The following SOX5 variants were observed in gnomAD, a reference collection of about 807,000 sequenced individuals.
SOX5 encodes SRY-box transcription factor 5.
SOX5 carries 9 observed loss-of-function variants against 92.0 expected under a neutral mutation model. That is an observed-to-expected ratio of 0.10 (90% CI 0.06 to 0.17). SOX5 has a LOEUF of 0.17. Among genes scored for constraint, SOX5 ranks in the 10% least tolerant of loss-of-function variants. The pLI is 1.00. For missense variants in SOX5, 642 were observed against 944.5 expected (o/e 0.68, Z 4.20); for synonymous variants, 344 against 336.3 (o/e 1.02, Z -0.25).
intron 1 of SOX5, among the ~76,000 whole-genome samples, chr12:24,471,754 C>T (rs1944846151): frequency 6.6e-6 from 1 of 151,860 alleles, no homozygotes; most frequent in Admixed American, 6.6e-5. Context: ...CATAAATGAA[C>T]CAATTAAATG....
intron 11 of SOX5, among the ~76,000 whole-genome samples, chr12:23,557,177 T>TAGGG (rs1945326675): frequency 6.6e-6 from 1 of 152,198 alleles, no homozygotes. Flanking sequence ...AACCTTTACT[T>TAGGG]ACAATCAGCC....
At position 23,665,469 on chromosome 12, in the gene SOX5, T is replaced by C. The variant is rs372530037; in HGVS notation, c.906A>G (p.Pro302=). 31 of 1,613,474 alleles carry C rather than the reference T, an allele frequency of 1.9e-5. No individual in the cohort carries two copies. In the African/African-American group the frequency reaches 3.9e-4, roughly 20 times the overall value. ...AAAQQGFLLP[P]GFSYKAGCSD... is the part of the protein sequence containing the mutation. ...TACATCCAGCCTTATAGCTGAAGCC[T>C]GGAGGGAGGAGGAATCCTTGCTGGG... Residue 302 remains proline, a synonymous_variant, in exon 7 of 15, where the codon CCA becomes CCG. Coordinates refer to ENST00000451604, the MANE Select transcript of SOX5 (RefSeq NM_006940.6).
intron 2 of SOX5, among the ~76,000 whole-genome samples, chr12:24,326,785 CACACAT>C (rs1950741348): frequency 7.9e-6 from 1 of 126,944 alleles, no homozygotes. Flanking sequence ...CATTCATACA[CACACAT>C]ACACACACAC....
chr12:23,674,429 C>T lies in SOX5; in HGVS notation c.811-8865G>A, dbSNP rs2085326739. ...CTCGGCTCTCTGCAACCTCCGCCTCCCGGGTTCAAGCAATTCTCCTTCCTC... is the reference window on the plus strand; with the variant it reads ...CTCGGCTCTCTGCAACCTCCGCCTCTCGGGTTCAAGCAATTCTCCTTCCTC... On this transcript the variant is annotated intron_variant, in intron 6 of 14. Transcript: ENST00000451604. Among the ~76,000 whole-genome samples, 4 of 146,218 alleles carry T rather than the reference C, an allele frequency of 2.7e-5. No homozygotes were observed. The South Asian group carries it at 8.9e-4, about 32-fold the overall frequency.
chr12:24,411,126 A>G (rs895871164), intron 1 of SOX5, among the ~76,000 whole-genome samples: 2 of 152,140 alleles, frequency 1.3e-5, no homozygotes, highest in Admixed American at 6.6e-5. Flanking sequence ...ATATACAAAT[A>G]TAACTGACTT....
At chr12:23,542,492 A>G (rs866273020) in intron 13 of SOX5, among the ~76,000 whole-genome samples, 3 of 152,124 alleles carry the variant, frequency 2.0e-5, no homozygotes, top group Non-Finnish European at 4.4e-5. Context: ...AGGTATCTTT[A>G]TAATCAGCAC....
intron 4 of SOX5, among the ~76,000 whole-genome samples, chr12:24,055,050 AT>A (rs1332935893): frequency 6.9e-6 from 1 of 144,398 alleles, no homozygotes; most frequent in African/African-American, 2.4e-5. Context: ...CTTAACCAAA[AT>A]TTTCAAAAAA....
intron 6 of SOX5, among the ~76,000 whole-genome samples, chr12:23,709,453 C>A (rs2091815119): frequency 1.3e-5 from 2 of 152,034 alleles, no homozygotes; most frequent in Admixed American, 1.3e-4. Flanking sequence ...CTAGTATACC[C>A]AGACCCTTGG....
At chr12:23,662,716 A>G (rs1458298785) in intron 7 of SOX5, among the ~76,000 whole-genome samples, 1 of 152,206 alleles carries the variant, frequency 6.6e-6, no homozygotes, top group Non-Finnish European at 1.5e-5. Flanking sequence ...CCTGTTGAGT[A>G]CATTTAAAGT....
intron 8 of SOX5, among the ~76,000 whole-genome samples, chr12:23,633,341 T>C (rs1566550563): frequency 6.6e-6 from 1 of 152,154 alleles, no homozygotes; most frequent in South Asian, 2.1e-4. Context: ...AAATGCTAGA[T>C]GGATTGTTGC....
chr12:23,907,353 T>C (rs915473796), intron 1 of SOX5, among the ~76,000 whole-genome samples: 17 of 152,194 alleles, frequency 1.1e-4, no homozygotes, highest in African/African-American at 4.1e-4. Flanking sequence ...ACCCGTCTAT[T>C]AAGGGTTGGA....
chr12:24,108,236 T>C (rs190397226), intron 4 of SOX5, among the ~76,000 whole-genome samples: 1 of 152,328 alleles, frequency 6.6e-6, no homozygotes, highest in East Asian at 1.9e-4. Context: ...CTTTGTTCCA[T>C]TTTTATTCTG....
At chr12:23,694,858 C>T (rs1482672211) in intron 6 of SOX5, among the ~76,000 whole-genome samples, 1 of 152,124 alleles carries the variant, frequency 6.6e-6, no homozygotes, top group Non-Finnish European at 1.5e-5. Flanking sequence ...GTGGCTCATG[C>T]CTGTAATCCC....
chr12:24,531,124 T>C (rs993175033), intron 1 of SOX5, among the ~76,000 whole-genome samples: 2 of 152,180 alleles, frequency 1.3e-5, no homozygotes, highest in Non-Finnish European at 2.9e-5. Context: ...CAGACTGGTC[T>C]TGAAGAGCCA....
intron 4 of SOX5, among the ~76,000 whole-genome samples, chr12:24,081,493 C>CTGT (rs1367902196): frequency 6.6e-6 from 1 of 151,882 alleles, no homozygotes; most frequent in Non-Finnish European, 1.5e-5. Context: ...CTCTGGAACA[C>CTGT]TAAAGGAAAA....
chr12:24,132,169 C>A lies in SOX5; in HGVS notation c.-2+81174G>T, dbSNP rs192004217. ...GATCATACATGTGCCAAGTAGTCTG[C>A]TATGGGTTGGAATACAGAAACGATA... On this transcript the variant is annotated intron_variant, in intron 4 of 4. Coordinates refer to the SOX5 transcript ENST00000446891. 2.4e-3 allele frequency among the ~76,000 whole-genome samples: 336 copies of A among 139,588 alleles called. 1 individual carries two copies. Among genetic ancestry groups the A allele is most frequent in the African/African-American group, 7.7e-3 (292 of 37,680 alleles). The allele number at this position is 139,588 out of a possible 152,430, so 91.6% of individuals were successfully genotyped here. A position where few individuals can be genotyped will look rare whatever the true frequency, so the allele number is the denominator to read the frequency against.
chr12:24,404,705 T>C (rs796537767), intron 1 of SOX5, among the ~76,000 whole-genome samples: 3 of 152,266 alleles, frequency 2.0e-5, no homozygotes, highest in Non-Finnish European at 2.9e-5. Flanking sequence ...AGGAATTGCA[T>C]GGGAACTTCA....
intron 2 of SOX5, among the ~76,000 whole-genome samples, chr12:24,366,823 T>C (rs750761630): frequency 3.3e-5 from 5 of 152,092 alleles, no homozygotes; most frequent in Non-Finnish European, 5.9e-5. Flanking sequence ...ATTAATTTGG[T>C]ACAGAGGAAT....
intron 1 of SOX5, among the ~76,000 whole-genome samples, chr12:23,949,184 G>C (rs1945127362): frequency 6.6e-6 from 1 of 152,110 alleles, no homozygotes; most frequent in Admixed American, 6.5e-5. Flanking sequence ...AGACAGAGAT[G>C]CTGAAAATGG....
Sources: allele counts gnomAD v4.1 joint callset (sites outside exome capture counted in the v4.1 genomes callset), GRCh38; gene constraint gnomAD v4.1.1; transcripts MANE v1.5; gene names NCBI Gene and HGNC (gene_info 2026-07-23, HGNC 2026-07-21).